DOCK2: variants seen among roughly 807,000 people sequenced by gnomAD.
DOCK2 encodes dedicator of cytokinesis 2.
DOCK2 carries 87 observed loss-of-function variants against 248.9 expected under a neutral mutation model. That is an observed-to-expected ratio of 0.35 (90% CI 0.29 to 0.42). The LOEUF is 0.42. Among genes scored for constraint, DOCK2 ranks in the 10% least tolerant of loss-of-function variants. DOCK2 has a pLI of 1.00. For synonymous variants in DOCK2, 805 were observed against 821.6 expected, an observed-to-expected ratio of 0.98 and a Z score of 0.35; for missense variants, 1,747 against 2,300.2, an observed-to-expected ratio of 0.76 and a Z score of 4.92.
chr5:169,990,838 A>C (rs1020486994), intron 29 of DOCK2, among the ~76,000 whole-genome samples: 3 of 152,190 alleles, frequency 2.0e-5, no homozygotes, highest in Non-Finnish European at 4.4e-5. Flanking sequence ...TTTTGTTCAC[A>C]TGATACTGCC....
intron 22 of DOCK2, among the ~76,000 whole-genome samples, chr5:169,737,457 C>T (rs1024108118): frequency 5.3e-5 from 8 of 152,124 alleles, no homozygotes; most frequent in Non-Finnish European, 1.2e-4. Context: ...TTTTTCCTGG[C>T]ATACATGTCC....
intron 27 of DOCK2, among the ~76,000 whole-genome samples, chr5:169,894,571 A>T (rs261067): frequency 0.19 from 28,756 of 152,088 alleles, 4,292 homozygotes; most frequent in African/African-American, 0.42. Flanking sequence ...GAAGGGGGGA[A>T]GTTTATGGTC....
chr5:169,973,628 G>A (rs759296783), intron 27 of DOCK2, among the ~76,000 whole-genome samples: 5 of 152,058 alleles, frequency 3.3e-5, no homozygotes, highest in East Asian at 1.9e-4. Context: ...AGTGCCTGCC[G>A]GAAAAGCTAC....
chr5:169,692,660 G>C (rs1468408886), intron 9 of DOCK2, among the ~76,000 whole-genome samples: 1 of 152,150 alleles, frequency 6.6e-6, no homozygotes, highest in Non-Finnish European at 1.5e-5. Context: ...GGTTTATGTA[G>C]TATATTAGTT....
At chr5:169,903,522 C>T (rs1272304734) in intron 27 of DOCK2, among the ~76,000 whole-genome samples, 5 of 39,000 alleles carry the variant, frequency 1.3e-4, no homozygotes, top group Non-Finnish European at 2.0e-4. Context: ...TAGGAGCCAG[C>T]GGGGGCCGGG....
At chr5:169,783,410 T>C (rs1363400040) in intron 25 of DOCK2, among the ~76,000 whole-genome samples, 3 of 152,210 alleles carry the variant, frequency 2.0e-5, no homozygotes, top group Non-Finnish European at 4.4e-5. Context: ...GGAAAAGTCA[T>C]GTCAGTTTTT....
In DOCK2 at chr5:169,730,944, T is replaced by G. The variant is rs549822680; in HGVS notation, c.2267+12153T>G. 6.0e-4 allele frequency among the ~76,000 whole-genome samples: 91 copies of G among 152,262 alleles called. 1 individual carries two copies. Among genetic ancestry groups the G allele is most frequent in the African/African-American group, 2.1e-3 (88 of 41,538 alleles). ...TTGCACAGGCTGAAGTACAGTGGCATGATCACAGCTCACTGTAGCCTTGAA... is the reference window on the plus strand; with the variant it reads ...TTGCACAGGCTGAAGTACAGTGGCAGGATCACAGCTCACTGTAGCCTTGAA... On this transcript the variant is annotated intron_variant, in intron 22 of 51. Transcript: ENST00000520908.
At chr5:169,657,838 T>C (rs1462057854) in intron 2 of DOCK2, among the ~76,000 whole-genome samples, 2 of 152,226 alleles carry the variant, frequency 1.3e-5, no homozygotes, top group African/African-American at 4.8e-5. Context: ...AATAGTCATG[T>C]AGTTGAGGAA....
At chr5:169,793,760 T>C (rs1174820703) in intron 25 of DOCK2, among the ~76,000 whole-genome samples, 1 of 152,180 alleles carries the variant, frequency 6.6e-6, no homozygotes, top group Non-Finnish European at 1.5e-5. Flanking sequence ...CATCTCACAT[T>C]AAACCCCTGT....
At chr5:170,052,242 C>G (rs1471713654) in intron 41 of DOCK2, among the ~76,000 whole-genome samples, 2 of 152,342 alleles carry the variant, frequency 1.3e-5, no homozygotes, top group South Asian at 2.1e-4. Flanking sequence ...CGTACCTGCT[C>G]TACCATGGTT....
intron 8 of DOCK2, among the ~76,000 whole-genome samples, chr5:169,685,357 T>C (rs1419477956): frequency 1.3e-5 from 2 of 152,182 alleles, no homozygotes; most frequent in African/African-American, 4.8e-5. Flanking sequence ...ACTTTGCTGC[T>C]CCTCCGGCTC....
chr5:169,666,573 C>G (rs1208319693), intron 2 of DOCK2, among the ~76,000 whole-genome samples: 3 of 152,110 alleles, frequency 2.0e-5, no homozygotes, highest in Non-Finnish European at 4.4e-5. Flanking sequence ...GTTATCTGCC[C>G]AGTCATGTTT....
In DOCK2 at chr5:170,079,115, A is replaced by C. The variant is rs1350112444; in HGVS notation, c.5135A>C (p.Glu1712Ala). The change falls in exon 49 of 52, where the codon GAG becomes GCG. Residue 1712 changes from glutamate to alanine, a missense_variant. This residue lies in a region of DOCK2 where 513 missense variants were observed against 586.1 expected (regional missense o/e 0.88). Coordinates refer to ENST00000520908, the MANE Select transcript of DOCK2 (RefSeq NM_004946.3). ...AGAAGCAGCGTAGTTTTTGCGGATGAGAAAGCAGCTGCAGAGTCGGACCTG... is the reference window on the plus strand; with the variant it reads ...AGAAGCAGCGTAGTTTTTGCGGATGCGAAAGCAGCTGCAGAGTCGGACCTG... The part of the protein sequence containing the change: ...TKRSSVVFAD[E>A]KAAAESDLKR... 1.9e-6 allele frequency: 3 copies of C among 1,613,908 alleles called. No homozygotes were observed. Among genetic ancestry groups the C allele is most frequent in the African/African-American group, 1.3e-5 (1 of 74,944 alleles).
rs976005230 is a variant in DOCK2, at chr5:169,764,750, A to G, written c.2554+3125A>G. Among the ~76,000 whole-genome samples, 1 of 152,230 alleles carries G rather than the reference A, an allele frequency of 6.6e-6. No homozygotes were observed. The highest frequency in any genetic ancestry group is 2.4e-5 in the African/African-American group (1 of 41,466). The stretch of plus-strand genomic sequence containing the variant: ...GTTTGATAGTTGCACACAACCCTCA[A>G]CTACATGGTTTTCCTCAGGGTCCGA... On this transcript the variant is annotated intron_variant, in intron 25 of 51. Coordinates refer to ENST00000520908, the MANE Select transcript of DOCK2 (RefSeq NM_004946.3). The surrounding 1 kb of genome is among the most constrained non-coding windows in gnomAD (Gnocchi z 4.3).
At chr5:169,637,924 C>A (rs1456423690) in intron 1 of DOCK2, among the ~76,000 whole-genome samples, 1 of 152,106 alleles carries the variant, frequency 6.6e-6, no homozygotes, top group African/African-American at 2.4e-5. Context: ...CCCCCAGAGC[C>A]TCTGGGGAAA....
chr5:169,816,061 A>G (rs1768054271), intron 26 of DOCK2, among the ~76,000 whole-genome samples: 1 of 152,332 alleles, frequency 6.6e-6, no homozygotes, highest in East Asian at 1.9e-4. Flanking sequence ...GTTGGGAGAC[A>G]TGAGTTAAAA....
At chr5:170,015,356 C>T (rs765637508) in intron 32 of DOCK2, among the ~76,000 whole-genome samples, 24 of 152,232 alleles carry the variant, frequency 1.6e-4, no homozygotes, top group Middle Eastern at 3.4e-3. Flanking sequence ...CAGGGAGTGG[C>T]AGTGGCAGGA....
intron 22 of DOCK2, among the ~76,000 whole-genome samples, chr5:169,746,976 A>G (rs1394604835): frequency 2.0e-5 from 3 of 152,238 alleles, no homozygotes; most frequent in African/African-American, 7.2e-5. Context: ...CTCATCCGAC[A>G]AACAGACAAT....
rs56728646 is a variant in DOCK2 at position 169,915,557 on chromosome 5, AACACACACACACACAC to A, written c.2800-67481_2800-67466del. ...GAAAATATTTGAGGAATTGACAGGG[AACACACACACACACAC>A]ACACACACACACACACACACACACA... On this transcript the variant is annotated intron_variant, in intron 27 of 51. Transcript: ENST00000520908. Among the ~76,000 whole-genome samples, 769 of 143,484 alleles carry A rather than the reference AACACACACACACACAC, an allele frequency of 5.4e-3. 3 individuals are homozygous for A. The highest frequency in any genetic ancestry group is 0.012 in the African/African-American group (463 of 38,658). 94.1% of individuals were successfully genotyped at this position (143,484 alleles called of 152,430 possible).
Sources: gnomAD v4.1 joint callset for allele counts (sites outside exome capture counted in the v4.1 genomes callset) on GRCh38, gnomAD v4.1.1 for gene constraint, gnomAD v4.1.1 regional missense constraint, Gnocchi (gnomAD v3.1) non-coding constraint, MANE v1.5 for transcripts, NCBI Gene and HGNC (gene_info 2026-07-23, HGNC 2026-07-21) for gene names.